Variants in RSBN1L observed in about 807,000 individuals in gnomAD.
RSBN1L encodes round spermatid basic protein 1 like.
In RSBN1L, 30 loss-of-function variants were observed where a neutral mutation model predicts 67.7. The observed-to-expected ratio is 0.44, with a 90% CI of 0.33 to 0.60. The LOEUF (loss-of-function observed/expected upper bound fraction) is 0.60. RSBN1L is among the 20% of genes least tolerant of loss of function. RSBN1L has a pLI of 0.02. For synonymous variants in RSBN1L, 433 were observed against 387.0 expected (o/e 1.12, Z -1.39); for missense variants, 992 against 1,031.7 (o/e 0.96, Z 0.53).
intron 2 of RSBN1L, among the ~76,000 whole-genome samples, chr7:77,739,739 C>T (rs142519406): frequency 3.2e-3 from 136 of 42,600 alleles, no homozygotes; most frequent in Middle Eastern, 0.023. Flanking sequence ...AAAAATGTGT[C>T]TTTTTTTTTT....
intron 1 of RSBN1L, among the ~76,000 whole-genome samples, chr7:77,733,046 C>T (rs904022474): frequency 6.6e-6 from 1 of 152,098 alleles, no homozygotes; most frequent in Non-Finnish European, 1.5e-5. Context: ...GCAATCTGAG[C>T]ATTTTGAGGG....
intron 1 of RSBN1L, among the ~76,000 whole-genome samples, chr7:77,716,944 C>T (rs1478279043): frequency 3.3e-5 from 5 of 149,718 alleles, no homozygotes; most frequent in Non-Finnish European, 7.4e-5. Flanking sequence ...TGTGCCTGGC[C>T]TATCTATTCT....
chr7:77,778,399 G>C lies in RSBN1L; in HGVS notation c.1855G>C (p.Val619Leu), dbSNP rs780833345. The part of the protein sequence containing the change: ...ICFHAEDFLE[V>L]VQRMQLDLHE... ...TTTTCATGCTGAAGATTTCTTAGAA[G>C]TAGTTCAACGAATGCAGTTAGATTT... is the stretch of plus-strand genomic sequence containing the variant. Residue 619 changes from valine (V) to leucine (L), a missense_variant, in exon 7 of 8, where the codon GTA (valine) becomes CTA (leucine). Transcript: ENST00000334955. 3 of 1,613,396 alleles carry C rather than the reference G, an allele frequency of 1.9e-6. No homozygotes were observed. Among genetic ancestry groups the C allele is most frequent in the Non-Finnish European group, 2.5e-6 (3 of 1,179,704 alleles).
chr7:77,716,855 T>C (rs541730998), intron 1 of RSBN1L, among the ~76,000 whole-genome samples: 1 of 152,164 alleles, frequency 6.6e-6, no homozygotes, highest in Admixed American at 6.6e-5. Context: ...GGTCTTGAAC[T>C]CCTGACTTCA....
intron 1 of RSBN1L, among the ~76,000 whole-genome samples, chr7:77,726,824 A>T (rs1487144057): frequency 1.8e-4 from 23 of 131,090 alleles, no homozygotes. Flanking sequence ...CTTGTTGCCC[A>T]GGCTGGAGTG....
intron 6 of RSBN1L, among the ~76,000 whole-genome samples, chr7:77,777,066 T>A (rs1791928185): frequency 2.0e-5 from 3 of 151,992 alleles, no homozygotes; most frequent in East Asian, 1.9e-4. Flanking sequence ...GTTTTTTTTT[T>A]ATTTCAGTAT....
At chr7:77,739,614 G>C (rs1273656882) in intron 2 of RSBN1L, among the ~76,000 whole-genome samples, 1 of 145,574 alleles carries the variant, frequency 6.9e-6, no homozygotes, top group Non-Finnish European at 1.5e-5. Flanking sequence ...TCGTGAGGCT[G>C]AGGCAGGAGA....
intron 1 of RSBN1L, among the ~76,000 whole-genome samples, chr7:77,731,436 A>T (rs1317080645): frequency 6.6e-6 from 1 of 151,990 alleles, no homozygotes; most frequent in Non-Finnish European, 1.5e-5. Context: ...GGGTTTCATC[A>T]TGTTGCCCAG....
chr7:77,725,800 G>C (rs1791195234), intron 1 of RSBN1L, among the ~76,000 whole-genome samples: 1 of 151,460 alleles, frequency 6.6e-6, no homozygotes, highest in Non-Finnish European at 1.5e-5. Flanking sequence ...ATGTTGGTCA[G>C]GTTGGTCTGG....
At chr7:77,722,501 A>AT (rs1001822683) in intron 1 of RSBN1L, among the ~76,000 whole-genome samples, 1 of 152,082 alleles carries the variant, frequency 6.6e-6, no homozygotes, top group Non-Finnish European at 1.5e-5. Context: ...AAGCCACTGG[A>AT]TTTTTTAGCT....
intron 3 of RSBN1L, among the ~76,000 whole-genome samples, chr7:77,755,405 C>T (rs527530992): frequency 3.9e-5 from 6 of 152,290 alleles, no homozygotes; most frequent in African/African-American, 9.6e-5. Flanking sequence ...TGGCTCACCC[C>T]TGTAATCTCA....
At chr7:77,773,462 G>T (rs898090325) in intron 6 of RSBN1L, 148 bp downstream of exon 6, 6 of 522,270 alleles carry the variant, frequency 1.1e-5, no homozygotes, top group African/African-American at 7.8e-5. Context: ...TTGTACTAAA[G>T]ATTTTAAATT....
At chr7:77,703,477 G>GTTGTTT (rs1790845776) in intron 1 of RSBN1L, among the ~76,000 whole-genome samples, 5 of 61,574 alleles carry the variant, frequency 8.1e-5, no homozygotes, top group African/African-American at 3.4e-4. Context: ...TACTGTTTGG[G>GTTGTTT]TTTTTTTTTT....
chr7:77,743,919 T>A (rs1437037060), intron 2 of RSBN1L, among the ~76,000 whole-genome samples: 2 of 152,182 alleles, frequency 1.3e-5, no homozygotes, highest in South Asian at 4.1e-4. Flanking sequence ...AGAGATGAGG[T>A]CTCTCTATGT....
chr7:77,728,399 G>A (rs1224225843), intron 1 of RSBN1L, among the ~76,000 whole-genome samples: 1 of 152,186 alleles, frequency 6.6e-6, no homozygotes, highest in East Asian at 1.9e-4. Context: ...CTGTTGAAGA[G>A]TTCATTTCCA....
chr7:77,778,197 G>A, intron 6 of RSBN1L, 141 bp from the exon 7 acceptor site: 1 of 535,624 alleles, frequency 1.9e-6, no homozygotes, highest in Non-Finnish European at 3.2e-6. Flanking sequence ...ATGTGAAATG[G>A]CTTTCCAATT....
At chr7:77,703,060 G>T (rs1790839322) in intron 1 of RSBN1L, among the ~76,000 whole-genome samples, 1 of 152,252 alleles carries the variant, frequency 6.6e-6, no homozygotes, top group East Asian at 1.9e-4. Context: ...TGTATGACAG[G>T]GTTCTAGCGC....
chr7:77,740,242 TCAC>T (rs1791390953), intron 2 of RSBN1L, among the ~76,000 whole-genome samples: 1 of 152,238 alleles, frequency 6.6e-6, no homozygotes, highest in Admixed American at 6.5e-5. Context: ...ATACTAAAGT[TCAC>T]CAACTGCTTT....
chr7:77,697,105 GC>G, intron 1 of RSBN1L, 50 bp downstream of exon 1: 1 of 1,319,202 alleles, frequency 7.6e-7, no homozygotes, highest in Non-Finnish European at 9.6e-7. Flanking sequence ...GGTCCCCGCC[GC>G]CCCCTGGCGC....
Sources: gnomAD v4.1 joint callset for allele counts (sites outside exome capture counted in the v4.1 genomes callset) on GRCh38, gnomAD v4.1.1 for gene constraint, MANE v1.5 for transcripts, NCBI Gene and HGNC (gene_info 2026-07-23, HGNC 2026-07-21) for gene names.